Variants in PLCB1 observed in about 807,000 individuals in gnomAD.
The protein encoded by PLCB1 is 1-phosphatidylinositol 4,5-bisphosphate phosphodiesterase beta-1.
In PLCB1, 46 loss-of-function variants were observed where a neutral mutation model predicts 161.8. The observed-to-expected ratio is 0.28, with a 90% CI of 0.22 to 0.36. The LOEUF (loss-of-function observed/expected upper bound fraction) is 0.36. Ranked by LOEUF, PLCB1 falls within the 10% of genes least tolerant of loss-of-function variation. PLCB1 has a pLI of 1.00. For synonymous variants in PLCB1, 517 were observed against 503.7 expected (o/e 1.03, Z -0.35); for missense variants, 1,016 against 1,472.5 (o/e 0.69, Z 5.07).
intron 4 of PLCB1, among the ~76,000 whole-genome samples, chr20:8,635,696 A>G (rs144632686): frequency 2.0e-4 from 31 of 152,332 alleles, no homozygotes; most frequent in African/African-American, 6.3e-4. Context: ...AGGATAAGGA[A>G]ATGAGAGAAG....
intron 3 of PLCB1, among the ~76,000 whole-genome samples, chr20:8,506,038 A>C (rs1358602250): frequency 6.6e-6 from 1 of 152,180 alleles, no homozygotes; most frequent in Non-Finnish European, 1.5e-5. Flanking sequence ...AGATCATTGC[A>C]TAGGGTCTGT....
intron 2 of PLCB1, among the ~76,000 whole-genome samples, chr20:8,205,575 T>C (rs1978482341): frequency 6.6e-6 from 1 of 152,210 alleles, no homozygotes; most frequent in Non-Finnish European, 1.5e-5. Flanking sequence ...CTTAAACAAT[T>C]CCAATGTATG....
chr20:8,319,738 G>T (rs1984822599), intron 2 of PLCB1, among the ~76,000 whole-genome samples: 1 of 141,018 alleles, frequency 7.1e-6, no homozygotes, highest in Non-Finnish European at 1.5e-5. Context: ...CCATGGAGGT[G>T]CATTACTCTA....
chr20:8,523,398 ATGTGTGTGTGTGTGTGTGTG>A (rs34787623), intron 3 of PLCB1, among the ~76,000 whole-genome samples: 1 of 122,524 alleles, frequency 8.2e-6, no homozygotes, highest in Admixed American at 8.5e-5. Context: ...CATAACAAAT[ATGTGTGTGTGTGTGTGTGTG>A]TGTGTGTGTG....
Position 8,150,329 on chromosome 20 carries a change from T to A in PLCB1, c.135T>A (p.Thr45=). ...TTGTTACTCCAATTATTTTGAGGACTGACCCTCAGGGATTTTTCTTTTACT... is the reference window on the plus strand; with the variant it reads ...TTGTTACTCCAATTATTTTGAGGACAGACCCTCAGGGATTTTTCTTTTACT... ...STIVTPIILR[T]DPQGFFFYWT... is the part of the protein sequence containing the mutation. The change falls in exon 2 of 32, where the codon ACT becomes ACA. Residue 45 remains threonine, a synonymous_variant. Coordinates refer to ENST00000338037, the MANE Select transcript of PLCB1 (RefSeq NM_015192.4). 6.4e-7 allele frequency: 1 copy of A among 1,565,280 alleles called. No individual in the cohort carries two copies. Among genetic ancestry groups the A allele is most frequent in the Non-Finnish European group, 8.8e-7 (1 of 1,141,964 alleles).
rs1258408531 is a variant in PLCB1, at chr20:8,132,984, G to A, written c.99+234G>A. On this transcript the variant is annotated intron_variant, in intron 1 of 31. Coordinates refer to ENST00000338037, the MANE Select transcript of PLCB1 (RefSeq NM_015192.4). This position sits in a 1 kb window ranked among gnomAD's most constrained non-coding sequence, Gnocchi z 5.2. The stretch of plus-strand genomic sequence containing the variant: ...GCCATCCTTTCTGGGTCTGGCAGGC[G>A]CCCCCTGAGGGTCTTACATCTTTTG... 1.3e-5 allele frequency among the ~76,000 whole-genome samples: 2 copies of A among 152,124 alleles called. No homozygotes were observed. Among genetic ancestry groups the A allele is most frequent in the Non-Finnish European group, 2.9e-5 (2 of 68,030 alleles).
chr20:8,793,304 A>G (rs1042991327), intron 31 of PLCB1, among the ~76,000 whole-genome samples: 1 of 152,168 alleles, frequency 6.6e-6, no homozygotes, highest in Non-Finnish European at 1.5e-5. Flanking sequence ...GACAATTGTA[A>G]CCTTCTTATG....
intron 9 of PLCB1, among the ~76,000 whole-genome samples, chr20:8,664,505 C>A (rs1989761811): frequency 1.3e-5 from 2 of 152,008 alleles, no homozygotes; most frequent in Admixed American, 1.3e-4. Context: ...TACAATTAAG[C>A]TATATTCTCT....
chr20:8,178,566 C>T (rs73080260), intron 2 of PLCB1, among the ~76,000 whole-genome samples: 1 of 152,054 alleles, frequency 6.6e-6, no homozygotes, highest in Non-Finnish European at 1.5e-5. Context: ...CAAATGTTTT[C>T]TCATATTCTG....
intron 3 of PLCB1, among the ~76,000 whole-genome samples, chr20:8,394,723 C>A (rs1468607476): frequency 6.6e-6 from 1 of 152,120 alleles, no homozygotes; most frequent in Non-Finnish European, 1.5e-5. Flanking sequence ...GTTTAATAGG[C>A]TTGAAGCTGT....
rs146591476 is a variant in PLCB1, at chr20:8,316,252, T to C, written c.178-55130T>C. Among the ~76,000 whole-genome samples the C allele has an allele frequency of 5.7e-3, 865 of 152,230 alleles. 6 individuals are homozygous for C. Among genetic ancestry groups the C allele is most frequent in the African/African-American group, 0.019 (788 of 41,548 alleles). ...GCAGGACAGAAAGTTCCAAGAAAGC[T>C]CAAAGAAATTGTGTTTATATGCTCT... On this transcript the variant is annotated intron_variant, in intron 2 of 31. Transcript: ENST00000338037.
intron 9 of PLCB1, among the ~76,000 whole-genome samples, chr20:8,684,229 A>C (rs1426882623): frequency 6.9e-6 from 1 of 145,148 alleles, no homozygotes; most frequent in East Asian, 2.2e-4. Context: ...CCACTTGTAA[A>C]TTATTTATTT....
chr20:8,361,572 G>C (rs1185652312), intron 2 of PLCB1, among the ~76,000 whole-genome samples: 1 of 152,104 alleles, frequency 6.6e-6, no homozygotes, highest in Non-Finnish European at 1.5e-5. Context: ...TGATGCCATA[G>C]GTCAAAGGAC....
chr20:8,363,609 G>T (rs1986612946), intron 2 of PLCB1, among the ~76,000 whole-genome samples: 1 of 152,236 alleles, frequency 6.6e-6, no homozygotes, highest in East Asian at 1.9e-4. Context: ...ATAACATAAT[G>T]GTGGGAGTGA....
intron 3 of PLCB1, among the ~76,000 whole-genome samples, chr20:8,396,942 G>C (rs1047168065): frequency 2.0e-5 from 3 of 151,796 alleles, no homozygotes; most frequent in African/African-American, 4.8e-5. Context: ...TTTTATTTTT[G>C]CTATTATAGG....
At position 8,776,708 on chromosome 20, in the gene PLCB1, C is replaced by T. The variant is rs1338773957; in HGVS notation, c.3111+1989C>T. Among the ~76,000 whole-genome samples, 3 of 152,054 alleles carry T rather than the reference C, an allele frequency of 2.0e-5. No individual in the cohort carries two copies. In the East Asian group the frequency reaches 5.8e-4, roughly 29 times the overall value. ...CTTGAAACAAATGCTTATTAGACACCTGCTTGTTAAATATTTTTAAACAGT... is the reference window on the plus strand; with the variant it reads ...CTTGAAACAAATGCTTATTAGACACTTGCTTGTTAAATATTTTTAAACAGT... On this transcript the variant is annotated intron_variant, in intron 27 of 31. Transcript: ENST00000338037.
At chr20:8,545,134 G>T (rs1985488404) in intron 3 of PLCB1, among the ~76,000 whole-genome samples, 1 of 152,168 alleles carries the variant, frequency 6.6e-6, no homozygotes, top group Admixed American at 6.5e-5. Context: ...GTTAGATAGG[G>T]GGAAAAATAA....
At chr20:8,352,316 C>T (rs1480166008) in intron 2 of PLCB1, among the ~76,000 whole-genome samples, 4 of 151,920 alleles carry the variant, frequency 2.6e-5, no homozygotes, top group African/African-American at 9.7e-5. Context: ...TTAGTGGTTA[C>T]TAGGGGCTGT....
At chr20:8,583,856 A>G (rs951682136) in intron 3 of PLCB1, among the ~76,000 whole-genome samples, 1 of 152,148 alleles carries the variant, frequency 6.6e-6, no homozygotes, top group Non-Finnish European at 1.5e-5. Context: ...TTACAGCTGA[A>G]TTCTACCATT....
Sources: allele counts gnomAD v4.1 joint callset (sites outside exome capture counted in the v4.1 genomes callset), GRCh38; gene constraint gnomAD v4.1.1; non-coding constraint Gnocchi (gnomAD v3.1); transcripts MANE v1.5; gene names NCBI Gene and HGNC (gene_info 2026-07-23, HGNC 2026-07-21).